CLOCK: variants seen among roughly 807,000 people sequenced by gnomAD.
CLOCK encodes circadian locomoter output cycles protein kaput.
CLOCK carries 43 observed loss-of-function variants against 118.4 expected under a neutral mutation model. That is an observed-to-expected ratio of 0.36 (90% CI 0.28 to 0.47). The LOEUF (loss-of-function observed/expected upper bound fraction) is 0.47, where lower values mean the gene tolerates loss of function less well. Ranked by LOEUF, CLOCK falls within the 20% of genes least tolerant of loss-of-function variation. The probability of loss-of-function intolerance (pLI) is 1.00; values close to 1 mark genes in which losing one functional copy is unlikely to be tolerated. For synonymous variants in CLOCK, 326 were observed against 339.2 expected, an observed-to-expected ratio of 0.96 and a Z score of 0.43; for missense variants, 846 against 999.9, an observed-to-expected ratio of 0.85 and a Z score of 2.08.
At chr4:55,501,837 T>C (rs1381126632) in intron 2 of CLOCK, 1 of 152,208 alleles carries the variant, frequency 6.6e-6, no homozygotes, top group East Asian at 1.9e-4. Flanking sequence ...CTAATCAATC[T>C]TGTTTCATCT....
intron 1 of CLOCK, among the ~76,000 whole-genome samples, chr4:55,541,947 C>A (rs551882625): frequency 7.2e-5 from 9 of 124,490 alleles, no homozygotes; most frequent in South Asian, 2.8e-4. Flanking sequence ...CCTCTCCCCC[C>A]ACCAAAAAAA....
chr4:55,522,831 A>G (rs1011803814), intron 1 of CLOCK, among the ~76,000 whole-genome samples: 2 of 152,224 alleles, frequency 1.3e-5, no homozygotes, highest in African/African-American at 4.8e-5. Context: ...GAACCATATA[A>G]AATGACTAAC....
At chr4:55,544,401 G>C (rs947537381) in intron 1 of CLOCK, among the ~76,000 whole-genome samples, 21 of 151,988 alleles carry the variant, frequency 1.4e-4, no homozygotes, top group Non-Finnish European at 2.5e-4. Flanking sequence ...AAAAAGAGGA[G>C]GGGGAAACAC....
At chr4:55,544,198 A>ACC (rs1560491595) in intron 1 of CLOCK, among the ~76,000 whole-genome samples, 4 of 139,348 alleles carry the variant, frequency 2.9e-5, no homozygotes, top group Non-Finnish European at 6.3e-5. Flanking sequence ...ACACACACAC[A>ACC]CCCCAATTTA....
chr4:55,506,897 G>T (rs868431963), intron 2 of CLOCK, among the ~76,000 whole-genome samples: 2 of 152,098 alleles, frequency 1.3e-5, no homozygotes, highest in Non-Finnish European at 2.9e-5. Context: ...TAATGAGGAG[G>T]TTTCCAGGTT....
intron 6 of CLOCK, among the ~76,000 whole-genome samples, chr4:55,477,795 C>T (rs1726622065): frequency 6.6e-6 from 1 of 151,538 alleles, no homozygotes; most frequent in Non-Finnish European, 1.5e-5. Flanking sequence ...AGGAATGTCA[C>T]ATTTAGAGGG....
chr4:55,536,877 A>G (rs1730940897), intron 1 of CLOCK, among the ~76,000 whole-genome samples: 1 of 152,168 alleles, frequency 6.6e-6, no homozygotes, highest in African/African-American at 2.4e-5. Flanking sequence ...AGACATAAAC[A>G]AAACAATCAA....
rs550503047 is a variant in CLOCK at position 55,434,919 on chromosome 4, G to C, written c.*496C>G. 1 of 180,652 alleles carries C rather than the reference G, an allele frequency of 5.5e-6. No homozygotes were observed. The highest frequency in any genetic ancestry group is 2.4e-5 in the African/African-American group (1 of 42,212). 11.2% of individuals were successfully genotyped at this position (180,652 alleles called of 1,614,324 possible). A position where few individuals can be genotyped will look rare whatever the true frequency, so the allele number is the denominator to read the frequency against. Reference sequence around the variant, plus strand: ...ACACAACATTCTGAAAGTAATTACTGTTCCATCATTATCTGAAAAGGGAGA... The same window carrying C: ...ACACAACATTCTGAAAGTAATTACTCTTCCATCATTATCTGAAAAGGGAGA... On this transcript the variant is annotated 3_prime_UTR_variant, in exon 23 of 23. Transcript: ENST00000513440.
intron 4 of CLOCK, among the ~76,000 whole-genome samples, chr4:55,482,130 T>C (rs973882629): frequency 6.6e-6 from 1 of 152,184 alleles, no homozygotes; most frequent in African/African-American, 2.4e-5. Flanking sequence ...CAGGGGTACC[T>C]GTGTAGGTTT....
At chr4:55,505,958 A>G (rs1177032830) in intron 2 of CLOCK, among the ~76,000 whole-genome samples, 2 of 151,884 alleles carry the variant, frequency 1.3e-5, no homozygotes, top group African/African-American at 4.8e-5. Flanking sequence ...AAATACTTCA[A>G]CTATACCTCC....
rs914367104 is a variant in CLOCK at position 55,464,951 on chromosome 4, C to G, written c.439-1146G>C. Reference sequence around the variant, plus strand: ...TCCATGAAGTGAGATGACCTTCCCCCCTCTCTACATATCTGTATCTTTCCC... The same window carrying G: ...TCCATGAAGTGAGATGACCTTCCCCGCTCTCTACATATCTGTATCTTTCCC... On this transcript the variant is annotated intron_variant, in intron 8 of 22. Transcript: ENST00000513440. Among the ~76,000 whole-genome samples, 9 of 152,300 alleles carry G rather than the reference C, an allele frequency of 5.9e-5. No homozygotes were observed. The South Asian group carries it at 1.0e-3, about 18-fold the overall frequency.
At chr4:55,470,656 C>A in intron 8 of CLOCK, 61 bp downstream of exon 8, 1 of 1,201,160 alleles carries the variant, frequency 8.3e-7, no homozygotes, top group Non-Finnish European at 1.2e-6. Flanking sequence ...CTTCCCAGTG[C>A]TTTAGAATAT....
chr4:55,500,525 A>T lies in CLOCK; in HGVS notation c.-136+9387T>A, dbSNP rs550877261. Among the ~76,000 whole-genome samples, 4 of 151,948 alleles carry T rather than the reference A, an allele frequency of 2.6e-5. No homozygotes were observed. The South Asian group carries it at 8.3e-4, about 32-fold the overall frequency. ...TGCCCTATTGATTTTTAACTTTTTA[A>T]TTTTTTGCAGAGACAAGATCTCATT... On this transcript the variant is annotated intron_variant, in intron 2 of 22. Transcript: ENST00000513440.
chr4:55,461,498 C>T (rs1725341965), intron 9 of CLOCK, among the ~76,000 whole-genome samples: 2 of 152,122 alleles, frequency 1.3e-5, no homozygotes, highest in East Asian at 3.8e-4. Context: ...GGCAGGATGG[C>T]CAGCTTGATC....
intron 1 of CLOCK, among the ~76,000 whole-genome samples, chr4:55,523,412 T>C (rs1425418801): frequency 1.3e-5 from 2 of 152,218 alleles, no homozygotes; most frequent in Admixed American, 6.5e-5. Context: ...GTCATCACTA[T>C]TTACACCTTC....
rs1728606588 is a variant in CLOCK at position 55,503,991 on chromosome 4, A to G, written c.-136+5921T>C. ...GGCAAAAAGAGGTAAAAAAAAAAAA[A>G]AAAAAAAAAAAAGCCGGGCACAGTG... is the stretch of plus-strand genomic sequence containing the variant. On this transcript the variant is annotated intron_variant, in intron 2 of 22. Transcript: ENST00000513440. Among the ~76,000 whole-genome samples, 2 of 147,356 alleles carry G rather than the reference A, an allele frequency of 1.4e-5. 1 individual carries two copies. The highest frequency in any genetic ancestry group is 4.3e-4 in the South Asian group (2 of 4,608).
At position 55,434,911 on chromosome 4, in the gene CLOCK, T is replaced by A. The variant is rs1577660938; in HGVS notation, c.*504A>T. 5.6e-6 allele frequency: 1 copy of A among 177,614 alleles called. No homozygotes were observed. Among genetic ancestry groups the A allele is most frequent in the East Asian group, 1.5e-4 (1 of 6,800 alleles). The allele number at this position is 177,614 out of a possible 1,614,324, so 11.0% of individuals were successfully genotyped here. A position where few individuals can be genotyped will look rare whatever the true frequency, so the allele number is the denominator to read the frequency against. ...TTGAACCCACACAACATTCTGAAAGTAATTACTGTTCCATCATTATCTGAA... is the reference window on the plus strand; with the variant it reads ...TTGAACCCACACAACATTCTGAAAGAAATTACTGTTCCATCATTATCTGAA... On this transcript the variant is annotated 3_prime_UTR_variant, in exon 23 of 23. Coordinates refer to ENST00000513440, the MANE Select transcript of CLOCK (RefSeq NM_004898.4).
At chr4:55,444,514 T>C in intron 19 of CLOCK, 119 bp downstream of exon 19, 2 of 1,190,038 alleles carry the variant, frequency 1.7e-6, no homozygotes, top group Non-Finnish European at 2.5e-6. Flanking sequence ...TGAATATTTA[T>C]TGAACTGAAT....
chr4:55,528,408 CT>C (rs1181009816), intron 1 of CLOCK, among the ~76,000 whole-genome samples: 1 of 151,978 alleles, frequency 6.6e-6, no homozygotes, highest in Non-Finnish European at 1.5e-5. Context: ...TGACTATTTC[CT>C]TCATCCCCCC....
Sources: allele counts gnomAD v4.1 joint callset (sites outside exome capture counted in the v4.1 genomes callset), GRCh38; gene constraint gnomAD v4.1.1; transcripts MANE v1.5; gene names NCBI Gene and HGNC (gene_info 2026-07-23, HGNC 2026-07-21).